Variants in ZC3H11A observed in about 807,000 individuals in gnomAD.
The protein encoded by ZC3H11A is zinc finger CCCH domain-containing protein 11A.
In ZC3H11A, 22 loss-of-function variants were observed where a neutral mutation model predicts 90.8. The ratio of observed to expected loss-of-function variants is 0.24; its 90% CI spans 0.17 to 0.35. The LOEUF (loss-of-function observed/expected upper bound fraction) is 0.35. Ranked by LOEUF, ZC3H11A falls within the 10% of genes least tolerant of loss-of-function variation. The pLI, the probability that ZC3H11A is intolerant of heterozygous loss-of-function variation, is 1.00. For missense variants in ZC3H11A, 701 were observed against 964.9 expected, an observed-to-expected ratio of 0.73 and a Z score of 3.62; for synonymous variants, 294 against 339.8, an observed-to-expected ratio of 0.87 and a Z score of 1.48.
intron 4 of ZC3H11A, among the ~76,000 whole-genome samples, chr1:203,819,560 G>GTTTT (rs1382273433): frequency 1.3e-5 from 1 of 77,008 alleles, no homozygotes; most frequent in African/African-American, 5.0e-5. Flanking sequence ...TTGAGACAGA[G>GTTTT]TTTTGCTCTT....
At chr1:203,818,370 G>A (rs183121911) in intron 3 of ZC3H11A, among the ~76,000 whole-genome samples, 200 bp from the exon 4 acceptor site, 48 of 152,118 alleles carry the variant, frequency 3.2e-4, no homozygotes, top group Admixed American at 2.5e-3. Context: ...ATCAAACGAA[G>A]GGTACTGTCA....
chr1:203,805,978 G>A, intron 2 of ZC3H11A: 1 of 594,232 alleles, frequency 1.7e-6, no homozygotes, highest in Non-Finnish European at 3.3e-6. Flanking sequence ...ATCCTTCAAT[G>A]ACTGGATGGT....
chr1:203,805,742 G>C (rs1001667059), intron 2 of ZC3H11A: 7 of 669,330 alleles, frequency 1.0e-5, no homozygotes, highest in Non-Finnish European at 1.7e-5. Flanking sequence ...TAGAACTCTT[G>C]GTCAGCCACA....
chr1:203,841,949 C>T (rs1686425945), intron 12 of ZC3H11A, among the ~76,000 whole-genome samples: 4 of 150,140 alleles, frequency 2.7e-5, no homozygotes, highest in Non-Finnish European at 5.9e-5. Context: ...AGACACTCCT[C>T]AGTTCCCAGA....
At chr1:203,814,233 A>G (rs1675477590) in intron 2 of ZC3H11A, among the ~76,000 whole-genome samples, 1 of 152,182 alleles carries the variant, frequency 6.6e-6, no homozygotes, top group Non-Finnish European at 1.5e-5. Context: ...TTTAACAGGA[A>G]TAACCTTTCC....
chr1:203,851,156 C>G (rs148897312), intron 17 of ZC3H11A, 32 bp downstream of exon 17: 1 of 1,603,566 alleles, frequency 6.2e-7, no homozygotes, highest in East Asian at 2.2e-5. Context: ...TAAACAAACT[C>G]CAGGCCCCTG....
At chr1:203,817,194 AC>A in intron 3 of ZC3H11A, 70 bp downstream of exon 3, 2 of 1,334,238 alleles carry the variant, frequency 1.5e-6, no homozygotes, top group Non-Finnish European at 2.1e-6. Flanking sequence ...GATTTTCCCA[AC>A]ATTTTAAGTT....
At chr1:203,830,682 A>G (rs1053922340) in intron 8 of ZC3H11A, among the ~76,000 whole-genome samples, 3 of 151,846 alleles carry the variant, frequency 2.0e-5, no homozygotes, top group African/African-American at 7.3e-5. Context: ...GGTGGCATGC[A>G]CCTGTAGTCC....
chr1:203,850,707 G>C (rs1689046022), intron 16 of ZC3H11A, 26 bp downstream of exon 16: 1 of 1,605,158 alleles, frequency 6.2e-7, no homozygotes, highest in Non-Finnish European at 8.5e-7. Flanking sequence ...ACTTTGTGGT[G>C]CTTTATTCTG....
intron 1 of ZC3H11A, chr1:203,799,981 C>T (rs1271165193): frequency 5.2e-6 from 8 of 1,536,064 alleles, no homozygotes; most frequent in Non-Finnish European, 7.0e-6. Flanking sequence ...GCTTCTTGTC[C>T]CTCAGTTACA....
In ZC3H11A at chr1:203,848,534, TATA is replaced by T. The variant is rs1400807758; in HGVS notation, c.1623+130_1623+132del. On this transcript the variant is annotated intron_variant, in intron 14 of 17. Coordinates refer to ENST00000367210, the MANE Select transcript of ZC3H11A (RefSeq NM_001376342.1). ...TAGGTAAACAGTCTTTCTTTTTACT[TATA>T]ATTTCTTATGAGAATTTCCTGTAGT... is the stretch of plus-strand genomic sequence containing the variant. The T allele has an allele frequency of 6.0e-6, 4 of 666,930 alleles. No homozygotes were observed. The East Asian group carries it at 1.2e-4, about 20-fold the overall frequency. The allele number at this position is 666,930 out of a possible 1,614,324, so 41.3% of individuals were successfully genotyped here.
chr1:203,847,361 C>T lies in ZC3H11A; in HGVS notation c.1220C>T (p.Ser407Phe). Residue 407 changes from serine to phenylalanine, a missense_variant, in exon 13 of 18, where the codon TCT becomes TTT. Ser to Phe is a radical substitution (Grantham distance 155, BLOSUM62 -2). Transcript: ENST00000367210. ...SSSTIRIKTF[S>F]EVLAEKKHRQ... Reference sequence around the variant, plus strand: ...TCCACTATCCGTATCAAAACCTTCTCTGAGGTCCTGGCTGAAAAAAAACAT... The same window carrying T: ...TCCACTATCCGTATCAAAACCTTCTTTGAGGTCCTGGCTGAAAAAAAACAT... 1.2e-6 allele frequency: 2 copies of T among 1,613,864 alleles called. No homozygotes were observed. Among genetic ancestry groups the T allele is most frequent in the Non-Finnish European group, 1.7e-6 (2 of 1,179,858 alleles).
intron 15 of ZC3H11A, 49 bp downstream of exon 15, chr1:203,850,075 A>T: frequency 6.4e-7 from 1 of 1,566,886 alleles, no homozygotes; most frequent in Admixed American, 1.9e-5. Flanking sequence ...AAATTACCAA[A>T]TTCAACCCAA....
At chr1:203,797,697 C>A in intron 1 of ZC3H11A, 2 of 1,535,156 alleles carry the variant, frequency 1.3e-6, no homozygotes, top group Non-Finnish European at 1.7e-6. Flanking sequence ...GGCAAAACAG[C>A]CTGCTAAAAA....
intron 9 of ZC3H11A, among the ~76,000 whole-genome samples, chr1:203,832,764 AAG>A (rs1682811371): frequency 6.6e-6 from 1 of 152,232 alleles, no homozygotes; most frequent in African/African-American, 2.4e-5. Flanking sequence ...AATTAGAAGA[AAG>A]AGAGCTCACT....
intron 2 of ZC3H11A, among the ~76,000 whole-genome samples, chr1:203,816,673 G>C (rs1461643371): frequency 1.3e-5 from 2 of 151,908 alleles, no homozygotes; most frequent in Non-Finnish European, 2.9e-5. Context: ...AGTTAACAAT[G>C]CTTATTTACA....
chr1:203,841,979 AG>A (rs1402595461), intron 12 of ZC3H11A, among the ~76,000 whole-genome samples: 3 of 148,078 alleles, frequency 2.0e-5, no homozygotes, highest in Non-Finnish European at 4.4e-5. Flanking sequence ...GGCTGGGCAG[AG>A]GGGCTCCTCA....
At chr1:203,822,258 T>C (rs1038084369) in intron 4 of ZC3H11A, among the ~76,000 whole-genome samples, 1 of 152,158 alleles carries the variant, frequency 6.6e-6, no homozygotes, top group Admixed American at 6.6e-5. Context: ...ACCAATATTG[T>C]GTCACAGCTT....
At position 203,853,890 on chromosome 1, in the gene ZC3H11A, T is replaced by A. The variant is rs1200466119; in HGVS notation, c.*1491T>A. ...GCCCTTCTCCAAAGCAGAGGTAGAA[T>A]GTTCAGGTTTCACCATGGATTTTCT... On this transcript the variant is annotated 3_prime_UTR_variant, in exon 18 of 18. Transcript: ENST00000367210. 1 of 152,676 alleles carries A rather than the reference T, an allele frequency of 6.5e-6. No individual in the cohort carries two copies. The highest frequency in any genetic ancestry group is 1.5e-5 in the Non-Finnish European group (1 of 68,040). The allele number at this position is 152,676 out of a possible 1,614,324, so 9.5% of individuals were successfully genotyped here.
Sources: allele counts gnomAD v4.1 joint callset (sites outside exome capture counted in the v4.1 genomes callset), GRCh38; gene constraint gnomAD v4.1.1; transcripts MANE v1.5; gene names NCBI Gene and HGNC (gene_info 2026-07-23, HGNC 2026-07-21).